Variants in DCC observed in about 807,000 individuals in gnomAD.
DCC encodes DCC netrin 1 receptor.
In DCC, 58 loss-of-function variants were observed where a neutral mutation model predicts 172.5. That is an observed-to-expected ratio of 0.34 (90% confidence interval 0.27 to 0.42). The LOEUF is 0.42. Among genes scored for constraint, DCC ranks in the 10% least tolerant of loss-of-function variants. The pLI, the probability that DCC is intolerant of heterozygous loss-of-function variation, is 1.00. For missense variants in DCC, 1,740 were observed against 1,791.0 expected, an observed-to-expected ratio of 0.97 and a Z score of 0.51; for synonymous variants, 709 against 644.5, an observed-to-expected ratio of 1.10 and a Z score of -1.52.
intron 2 of DCC, among the ~76,000 whole-genome samples, chr18:52,897,626 G>A (rs1336810230): frequency 6.6e-6 from 1 of 152,026 alleles, no homozygotes; most frequent in African/African-American, 2.4e-5. Flanking sequence ...ATAGTATCTG[G>A]GTAATCTGCC....
chr18:52,795,155 G>A (rs1024079318), intron 2 of DCC, among the ~76,000 whole-genome samples: 1 of 151,918 alleles, frequency 6.6e-6, no homozygotes, highest in African/African-American at 2.4e-5. Flanking sequence ...GAATGAGTTA[G>A]GAATAACTGT....
chr18:52,737,486 C>T (rs139670765), intron 1 of DCC, among the ~76,000 whole-genome samples: 106 of 152,284 alleles, frequency 7.0e-4, no homozygotes, highest in Middle Eastern at 3.4e-3. Flanking sequence ...CTTAGTAAGA[C>T]CATTTTCTCA....
At chr18:52,473,697 C>T (rs1989010511) in intron 1 of DCC, among the ~76,000 whole-genome samples, 2 of 152,096 alleles carry the variant, frequency 1.3e-5, no homozygotes, top group Non-Finnish European at 2.9e-5. Flanking sequence ...CCCCATGATT[C>T]GATTATCTCC....
At chr18:52,493,446 A>G (rs1472085715) in intron 1 of DCC, among the ~76,000 whole-genome samples, 1 of 151,976 alleles carries the variant, frequency 6.6e-6, no homozygotes, top group Non-Finnish European at 1.5e-5. Flanking sequence ...ATTCCTGGAA[A>G]CTCTTCAAAC....
Position 52,906,187 on chromosome 18 carries a change from G to C in DCC, c.556G>C (p.Asp186His), listed in dbSNP as rs1197282228. ...NQQDLTPIPG[D>H]SRVVVLPSGA... ...ACAAGACCTGACTCCAATCCCAGGT[G>C]ACTCCCGAGTGGTGGTCTTGCCCTC... The change falls in exon 3 of 29, where the codon GAC (aspartate) becomes CAC (histidine). Residue 186 changes from aspartate to histidine, a missense_variant. This residue lies in a region of DCC where 1,732 missense variants were observed against 1,767.4 expected (regional missense o/e 0.98). Coordinates refer to ENST00000442544, the MANE Select transcript of DCC (RefSeq NM_005215.4). 1 of 1,613,966 alleles carries C rather than the reference G, an allele frequency of 6.2e-7. No homozygotes were observed. Among genetic ancestry groups the C allele is most frequent in the Non-Finnish European group, 8.5e-7 (1 of 1,180,036 alleles).
At chr18:53,023,593 AAC>A (rs915826336) in intron 5 of DCC, among the ~76,000 whole-genome samples, 18 of 152,090 alleles carry the variant, frequency 1.2e-4, no homozygotes, top group South Asian at 4.2e-4. Flanking sequence ...CTGGAGGAAA[AAC>A]AAAATCTGGA....
chr18:53,070,230 C>G (rs1445462326), intron 7 of DCC, among the ~76,000 whole-genome samples: 1 of 152,074 alleles, frequency 6.6e-6, no homozygotes, highest in African/African-American at 2.4e-5. Flanking sequence ...GAACTCCTGA[C>G]CTCAGGTGAT....
intron 5 of DCC, among the ~76,000 whole-genome samples, chr18:53,029,764 A>T (rs557352801): frequency 1.3e-5 from 2 of 152,276 alleles, no homozygotes; most frequent in East Asian, 3.9e-4. Flanking sequence ...CTTACTCAAC[A>T]GTCCCATGTG....
At chr18:53,526,850 A>ACCCCAGGCCT (rs2046462007) in intron 28 of DCC, 91 bp downstream of exon 28, 2 of 984,294 alleles carry the variant, frequency 2.0e-6, no homozygotes, top group Admixed American at 3.7e-5. Context: ...CTGTCCATTC[A>ACCCCAGGCCT]CCCCAGGCCA....
At chr18:52,378,345 T>C (rs1462228174) in intron 1 of DCC, among the ~76,000 whole-genome samples, 2 of 150,682 alleles carry the variant, frequency 1.3e-5, no homozygotes, top group African/African-American at 2.4e-5. Flanking sequence ...ATTGAGAAGA[T>C]TTGGGAAAAT....
intron 1 of DCC, among the ~76,000 whole-genome samples, chr18:52,352,583 G>A (rs886671622): frequency 3.3e-5 from 5 of 152,116 alleles, no homozygotes; most frequent in African/African-American, 9.6e-5. Flanking sequence ...CTACAGACCC[G>A]TCATCTACTC....
intron 15 of DCC, among the ~76,000 whole-genome samples, chr18:53,378,804 T>G (rs1193387175): frequency 6.6e-6 from 1 of 152,168 alleles, no homozygotes; most frequent in Admixed American, 6.5e-5. Context: ...ACTGAGTAGG[T>G]GAGTAGCTGG....
At chr18:52,894,691 G>A (rs2039702734) in intron 2 of DCC, among the ~76,000 whole-genome samples, 1 of 151,882 alleles carries the variant, frequency 6.6e-6, no homozygotes, top group Non-Finnish European at 1.5e-5. Context: ...CAGGAGACTT[G>A]ATGGTGAAAG....
chr18:52,445,313 T>C (rs1247224162), intron 1 of DCC, among the ~76,000 whole-genome samples: 1 of 152,164 alleles, frequency 6.6e-6, no homozygotes, highest in Non-Finnish European at 1.5e-5. Context: ...ATTTAAAATG[T>C]AGGTTTTGGA....
intron 7 of DCC, among the ~76,000 whole-genome samples, chr18:53,147,651 G>A (rs1445962266): frequency 6.6e-6 from 1 of 152,068 alleles, no homozygotes; most frequent in Non-Finnish European, 1.5e-5. Context: ...TTGGCCTGTG[G>A]TGCCACCTCA....
intron 1 of DCC, among the ~76,000 whole-genome samples, chr18:52,435,704 G>A (rs993124130): frequency 2.6e-5 from 4 of 152,224 alleles, no homozygotes; most frequent in South Asian, 2.1e-4. Flanking sequence ...CATTTCTGCC[G>A]CCAGGTTTGT....
rs1463808129 is a variant in DCC, at chr18:53,337,049, T to C, written c.2165-2664T>C. ...AGTCTTACGTTCTTCAAGAGCCAGT[T>C]GGTGTACACATTACAATGATATGTT... On this transcript the variant is annotated intron_variant, in intron 14 of 28. Transcript: ENST00000442544. 1.8e-4 allele frequency among the ~76,000 whole-genome samples: 28 copies of C among 152,240 alleles called. 1 individual carries two copies. The highest frequency in any genetic ancestry group is 1.8e-4 in the Non-Finnish European group (12 of 68,036).
chr18:52,467,533 A>G (rs1419078432), intron 1 of DCC, among the ~76,000 whole-genome samples: 2 of 152,154 alleles, frequency 1.3e-5, no homozygotes, highest in Non-Finnish European at 2.9e-5. Context: ...CTTATAGTAG[A>G]ATGATTTATA....
At chr18:52,650,619 T>C (rs181800860) in intron 1 of DCC, among the ~76,000 whole-genome samples, 192 of 152,334 alleles carry the variant, frequency 1.3e-3, no homozygotes, top group African/African-American at 4.4e-3. Context: ...TAAGATGATA[T>C]CTCATTGAAG....
Sources: allele counts gnomAD v4.1 joint callset (sites outside exome capture counted in the v4.1 genomes callset), GRCh38; gene constraint gnomAD v4.1.1; regional missense constraint gnomAD v4.1.1; transcripts MANE v1.5; gene names NCBI Gene and HGNC (gene_info 2026-07-23, HGNC 2026-07-21).